MDGA2: variants seen among roughly 807,000 people sequenced by gnomAD.
MDGA2 encodes MAM domain-containing glycosylphosphatidylinositol anchor protein 2.
Under a neutral mutation model 117.8 loss-of-function variants are expected in MDGA2, and 40 were observed. The observed-to-expected ratio is 0.34, with a 90% confidence interval of 0.26 to 0.44. The LOEUF is 0.44. MDGA2 is among the 20% of genes least tolerant of loss of function. The pLI is 1.00. For synonymous variants in MDGA2, 452 were observed against 439.0 expected, an observed-to-expected ratio of 1.03 and a Z score of -0.37; for missense variants, 1,123 against 1,250.6, an observed-to-expected ratio of 0.90 and a Z score of 1.54.
intron 8 of MDGA2, among the ~76,000 whole-genome samples, chr14:47,007,101 G>A (rs1410723207): frequency 6.6e-6 from 1 of 151,752 alleles, no homozygotes; most frequent in Non-Finnish European, 1.5e-5. Flanking sequence ...AGGATACATT[G>A]AGGACTTCAT....
At chr14:47,616,369 G>A (rs72670795) in intron 1 of MDGA2, among the ~76,000 whole-genome samples, 37,996 of 152,116 alleles carry the variant, frequency 0.25, 5,745 homozygotes, top group South Asian at 0.46. Context: ...GATAATTGTT[G>A]TTTTATTATT....
At chr14:47,602,862 T>A (rs891840533) in intron 1 of MDGA2, among the ~76,000 whole-genome samples, 4 of 152,202 alleles carry the variant, frequency 2.6e-5, no homozygotes. Flanking sequence ...GGATTAGTCC[T>A]GCATAACACT....
chr14:46,938,539 T>TAAAAAAAAAAAAAAAAAAAA (rs1884870063), intron 9 of MDGA2, among the ~76,000 whole-genome samples: 1 of 12,748 alleles, frequency 7.8e-5, no homozygotes, highest in Admixed American at 1.1e-3. Flanking sequence ...AAAATCCATC[T>TAAAAAAAAAAAAAAAAAAAA]CAAAAAAAAA....
At position 46,968,835 on chromosome 14, in the gene MDGA2, TA is replaced by T. The variant is rs759219093; in HGVS notation, c.1820-11193del. ...CTAGGAAACAGAGCAAGACTCTGTCTAAAAAAAAAAAAAAAACAAATCCTAG... is the reference window on the plus strand; with the variant it reads ...CTAGGAAACAGAGCAAGACTCTGTCTAAAAAAAAAAAAAAACAAATCCTAG... On this transcript the variant is annotated intron_variant, in intron 8 of 16. Coordinates refer to ENST00000399232, the MANE Select transcript of MDGA2 (RefSeq NM_001113498.3). Among the ~76,000 whole-genome samples the T allele has an allele frequency of 3.7e-3, 390 of 105,796 alleles. 1 individual carries two copies. Among genetic ancestry groups the T allele is most frequent in the Middle Eastern group, 5.6e-3 (1 of 178 alleles). The allele number at this position is 105,796 out of a possible 152,430, so 69.4% of individuals were successfully genotyped here. A position where few individuals can be genotyped will look rare whatever the true frequency, so the allele number is the denominator to read the frequency against.
chr14:46,984,408 A>T (rs1886792196), intron 8 of MDGA2, among the ~76,000 whole-genome samples: 2 of 151,936 alleles, frequency 1.3e-5, no homozygotes, highest in Non-Finnish European at 2.9e-5. Flanking sequence ...TGTATATTTT[A>T]TGTAATTCTA....
chr14:47,588,480 C>T (rs570628408), intron 1 of MDGA2, among the ~76,000 whole-genome samples: 12 of 151,844 alleles, frequency 7.9e-5, no homozygotes, highest in Admixed American at 2.6e-4. Context: ...CCTTAATGAA[C>T]AATAATGTTG....
At chr14:47,637,450 T>G (rs8012871) in intron 1 of MDGA2, among the ~76,000 whole-genome samples, 12,645 of 152,208 alleles carry the variant, frequency 0.083, 1,392 homozygotes, top group African/African-American at 0.24. Flanking sequence ...AATAGCTAAG[T>G]TCCTCCTGAG....
chr14:47,264,023 G>T (rs1403093819), intron 2 of MDGA2, among the ~76,000 whole-genome samples: 1 of 152,000 alleles, frequency 6.6e-6, no homozygotes, highest in Non-Finnish European at 1.5e-5. Flanking sequence ...TTATATCACA[G>T]AATTTACCCC....
intron 2 of MDGA2, among the ~76,000 whole-genome samples, chr14:47,266,317 C>G (rs2139687566): frequency 6.6e-6 from 1 of 152,180 alleles, no homozygotes; most frequent in African/African-American, 2.4e-5. Context: ...TCCTTCACTC[C>G]CTACATATAT....
chr14:47,354,850 T>C (rs1890958089), intron 1 of MDGA2, among the ~76,000 whole-genome samples: 1 of 151,560 alleles, frequency 6.6e-6, no homozygotes, highest in Non-Finnish European at 1.5e-5. Context: ...ACTGTGAAGA[T>C]AATTTTTTTT....
chr14:47,330,185 TTAA>T (rs1474990318), intron 1 of MDGA2, among the ~76,000 whole-genome samples: 2 of 151,992 alleles, frequency 1.3e-5, no homozygotes, highest in Admixed American at 6.6e-5. Context: ...TACAGGTCAC[TTAA>T]TATAAATTTT....
intron 9 of MDGA2, among the ~76,000 whole-genome samples, chr14:46,949,447 A>G (rs909276306): frequency 6.6e-6 from 1 of 151,970 alleles, no homozygotes; most frequent in African/African-American, 2.4e-5. Context: ...TGTACCCATC[A>G]TCCAAATAGC....
intron 6 of MDGA2, among the ~76,000 whole-genome samples, chr14:47,078,920 C>G (rs1890596937): frequency 6.6e-6 from 1 of 151,964 alleles, no homozygotes; most frequent in Non-Finnish European, 1.5e-5. Flanking sequence ...AATTTTGTAT[C>G]CTTTGACCAA....
chr14:47,218,834 T>C (rs1886195963), intron 2 of MDGA2, among the ~76,000 whole-genome samples: 1 of 152,086 alleles, frequency 6.6e-6, no homozygotes, highest in South Asian at 2.1e-4. Context: ...ATGTAAACTT[T>C]TCAAGGAGAA....
intron 1 of MDGA2, among the ~76,000 whole-genome samples, chr14:47,601,378 T>C (rs1484715580): frequency 6.6e-6 from 1 of 152,114 alleles, no homozygotes; most frequent in Admixed American, 6.5e-5. Flanking sequence ...CTCTACATCC[T>C]AGGTTTAGAA....
chr14:46,983,589 C>T (rs1304674446), intron 8 of MDGA2, among the ~76,000 whole-genome samples: 1 of 152,138 alleles, frequency 6.6e-6, no homozygotes, highest in African/African-American at 2.4e-5. Context: ...CATTTGAGAA[C>T]TTGTTTAATT....
intron 14 of MDGA2, among the ~76,000 whole-genome samples, chr14:46,866,199 G>C (rs1476810896): frequency 1.3e-5 from 2 of 152,006 alleles, no homozygotes; most frequent in African/African-American, 4.8e-5. Context: ...CAGAGATATA[G>C]ATCAATGGAA....
intron 1 of MDGA2, among the ~76,000 whole-genome samples, chr14:47,439,374 G>C (rs1892958031): frequency 6.6e-6 from 1 of 151,874 alleles, no homozygotes; most frequent in Non-Finnish European, 1.5e-5. Context: ...ATGAGTTAAT[G>C]GAATAATTTA....
chr14:47,261,377 T>TC (rs1419721423), intron 2 of MDGA2, among the ~76,000 whole-genome samples: 1 of 152,090 alleles, frequency 6.6e-6, no homozygotes, highest in Admixed American at 6.6e-5. Flanking sequence ...AAATGTGAAA[T>TC]TAGATCTTGG....
Sources: allele counts gnomAD v4.1 joint callset (sites outside exome capture counted in the v4.1 genomes callset), GRCh38; gene constraint gnomAD v4.1.1; transcripts MANE v1.5; gene names NCBI Gene and HGNC (gene_info 2026-07-23, HGNC 2026-07-21).